Variants in GRIK4 observed in about 807,000 individuals in gnomAD.
The protein encoded by GRIK4 is glutamate receptor ionotropic, kainate 4.
In GRIK4, 40 loss-of-function variants were observed where a neutral mutation model predicts 104.9. The observed-to-expected ratio is 0.38, with a 90% confidence interval of 0.30 to 0.50. The LOEUF is 0.50. GRIK4 is among the 20% of genes least tolerant of loss of function. The pLI is 0.93. For synonymous variants in GRIK4, 485 were observed against 524.9 expected, an observed-to-expected ratio of 0.92 and a Z score of 1.04; for missense variants, 1,047 against 1,308.1, an observed-to-expected ratio of 0.80 and a Z score of 3.08.
chr11:120,719,597 C>T (rs988058907), intron 3 of GRIK4, among the ~76,000 whole-genome samples: 1 of 152,192 alleles, frequency 6.6e-6, no homozygotes, highest in South Asian at 2.1e-4. Flanking sequence ...GTGAGCTGCT[C>T]CCACAGATCG....
intron 11 of GRIK4, among the ~76,000 whole-genome samples, chr11:120,876,829 T>C (rs556574710): frequency 2.0e-5 from 3 of 152,344 alleles, no homozygotes; most frequent in South Asian, 4.1e-4. Flanking sequence ...AAGAGTCTAG[T>C]TGGGTAGGCC....
intron 1 of GRIK4, among the ~76,000 whole-genome samples, chr11:120,586,871 G>T (rs1034067990): frequency 1.3e-5 from 2 of 152,172 alleles, no homozygotes; most frequent in African/African-American, 4.8e-5. Flanking sequence ...GCTGCCCCAG[G>T]CATAGTAGTG....
chr11:120,816,794 G>A (rs1203516092), intron 5 of GRIK4, among the ~76,000 whole-genome samples: 2 of 152,138 alleles, frequency 1.3e-5, no homozygotes, highest in African/African-American at 4.8e-5. Flanking sequence ...TGCTCCTCCA[G>A]TAGCTGGGCC....
In GRIK4 at chr11:120,516,903, T is replaced by A. The variant is rs552667515; in HGVS notation, c.-159+5016T>A. On this transcript the variant is annotated intron_variant, in intron 1 of 20. Transcript: ENST00000527524. Reference sequence around the variant, plus strand: ...AGGAGGAGCCTGGAGCCATCGGGGCTCACCCTGGGCGGCGGCTGCTGCGTT... The same window carrying A: ...AGGAGGAGCCTGGAGCCATCGGGGCACACCCTGGGCGGCGGCTGCTGCGTT... Among the ~76,000 whole-genome samples the A allele has an allele frequency of 2.3e-4, 35 of 152,136 alleles. No individual in the cohort carries two copies. In the South Asian group the frequency reaches 7.3e-3, roughly 32 times the overall value.
chr11:120,890,106 A>G (rs1955242189), intron 11 of GRIK4, among the ~76,000 whole-genome samples: 1 of 152,122 alleles, frequency 6.6e-6, no homozygotes, highest in South Asian at 2.1e-4. Flanking sequence ...CACCAAATAT[A>G]CAATGGTACC....
At chr11:120,605,959 GC>G (rs1338571132) in intron 1 of GRIK4, among the ~76,000 whole-genome samples, 2 of 152,186 alleles carry the variant, frequency 1.3e-5, no homozygotes, top group African/African-American at 4.8e-5. Flanking sequence ...GGGTCTCTAT[GC>G]CTTTTCTAAT....
intron 13 of GRIK4, among the ~76,000 whole-genome samples, chr11:120,922,071 C>T (rs1432186571): frequency 6.6e-6 from 1 of 152,198 alleles, no homozygotes; most frequent in African/African-American, 2.4e-5. Context: ...GTGCTCAACT[C>T]CCGTGGCTCC....
Position 120,802,835 on chromosome 11 carries a change from C to G in GRIK4, c.225C>G (p.Ser75Arg), listed in dbSNP as rs1272995407. ...ACATCTTTGAGCTTCTCAGAGACAG[C>G]GAGTACGAGACTGCAGAAACCAGTA... ...EVDIFELLRD[S>R]EYETAETMCQ... The change falls in exon 4 of 21, where the codon AGC becomes AGG. Residue 75 changes from serine to arginine, a missense_variant. This residue lies in a region of GRIK4 where 447 missense variants were observed against 514.9 expected (regional missense o/e 0.87). Coordinates refer to ENST00000527524, the MANE Select transcript of GRIK4 (RefSeq NM_014619.5). The G allele has an allele frequency of 3.7e-6, 6 of 1,613,978 alleles. No individual in the cohort carries two copies. The highest frequency in any genetic ancestry group is 5.1e-6 in the Non-Finnish European group (6 of 1,179,972).
At chr11:120,628,812 A>G (rs1400589184) in intron 1 of GRIK4, among the ~76,000 whole-genome samples, 2 of 152,072 alleles carry the variant, frequency 1.3e-5, no homozygotes, top group Non-Finnish European at 2.9e-5. Context: ...TTTTTCTTAT[A>G]CCGTGAAAAA....
At chr11:120,667,224 G>T (rs556781937) in intron 3 of GRIK4, among the ~76,000 whole-genome samples, 7 of 152,212 alleles carry the variant, frequency 4.6e-5, no homozygotes, top group African/African-American at 1.7e-4. Flanking sequence ...ATTAACAAGA[G>T]CTTAGAATTG....
At chr11:120,979,315 C>T (rs1944612784) in intron 19 of GRIK4, among the ~76,000 whole-genome samples, 1 of 152,064 alleles carries the variant, frequency 6.6e-6, no homozygotes, top group Non-Finnish European at 1.5e-5. Context: ...TTTAACTTTG[C>T]AACATTCTTT....
chr11:120,638,213 C>G (rs1949423710), intron 1 of GRIK4, among the ~76,000 whole-genome samples: 1 of 152,132 alleles, frequency 6.6e-6, no homozygotes, highest in Non-Finnish European at 1.5e-5. Context: ...TTATATAGCA[C>G]TTACTATGTG....
At chr11:120,837,256 G>A (rs1953597443) in intron 8 of GRIK4, among the ~76,000 whole-genome samples, 2 of 152,214 alleles carry the variant, frequency 1.3e-5, no homozygotes, top group Non-Finnish European at 2.9e-5. Flanking sequence ...TTCTTTTCCA[G>A]CTGTCGGTGT....
At chr11:120,850,473 G>A (rs1209643431) in intron 8 of GRIK4, among the ~76,000 whole-genome samples, 3 of 152,350 alleles carry the variant, frequency 2.0e-5, no homozygotes, top group Non-Finnish European at 4.4e-5. Flanking sequence ...GGAGGAGAGT[G>A]CTGGAGACAC....
At chr11:120,627,606 C>T (rs1282812554) in intron 1 of GRIK4, among the ~76,000 whole-genome samples, 5 of 152,208 alleles carry the variant, frequency 3.3e-5, no homozygotes, top group Non-Finnish European at 5.9e-5. Context: ...TCCTGGGGCC[C>T]AGGAGGCAGG....
chr11:120,827,454 C>G (rs571801224), intron 6 of GRIK4, among the ~76,000 whole-genome samples: 102 of 152,192 alleles, frequency 6.7e-4, no homozygotes, highest in Non-Finnish European at 1.1e-3. Flanking sequence ...GGCAGGCAGG[C>G]CTGCTGCTGG....
At chr11:120,611,004 G>A (rs1373673420) in intron 1 of GRIK4, among the ~76,000 whole-genome samples, 2 of 152,160 alleles carry the variant, frequency 1.3e-5, no homozygotes, top group African/African-American at 2.4e-5. Flanking sequence ...ATGTCCTGTC[G>A]TTTTCAACAG....
intron 1 of GRIK4, among the ~76,000 whole-genome samples, chr11:120,525,936 A>G (rs1025842964): frequency 6.6e-6 from 1 of 152,166 alleles, no homozygotes; most frequent in African/African-American, 2.4e-5. Flanking sequence ...GAAAAACCTA[A>G]TCTCACAGGG....
At chr11:120,874,712 T>C (rs111640941) in intron 10 of GRIK4, among the ~76,000 whole-genome samples, 1 of 152,330 alleles carries the variant, frequency 6.6e-6, no homozygotes, top group African/African-American at 2.4e-5. Flanking sequence ...AGAAGCCTGC[T>C]GCAGCACAGT....
Sources: allele counts gnomAD v4.1 joint callset (sites outside exome capture counted in the v4.1 genomes callset), GRCh38; gene constraint gnomAD v4.1.1; regional missense constraint gnomAD v4.1.1; transcripts MANE v1.5; gene names NCBI Gene and HGNC (gene_info 2026-07-23, HGNC 2026-07-21).